The following RGS6 variants were observed in gnomAD, a reference collection of about 807,000 sequenced individuals.
RGS6 encodes regulator of G-protein signaling 6.
Under a neutral mutation model 78.5 loss-of-function variants are expected in RGS6, and 30 were observed. That is an observed-to-expected ratio of 0.38 (90% CI 0.29 to 0.52). The LOEUF is 0.52. RGS6 is among the 20% of genes least tolerant of loss of function. RGS6 has a pLI of 0.85. For missense variants in RGS6, 495 were observed against 609.7 expected (o/e 0.81, Z 1.98); for synonymous variants, 206 against 206.0 (o/e 1.00, Z 0.00).
intron 2 of RGS6, among the ~76,000 whole-genome samples, chr14:72,337,222 T>A (rs1031807626): frequency 1.3e-5 from 2 of 150,812 alleles, no homozygotes; most frequent in South Asian, 2.1e-4. Flanking sequence ...TGGAACTGAC[T>A]CCCACCCCCA....
intron 2 of RGS6, among the ~76,000 whole-genome samples, chr14:72,092,058 C>T (rs1366611408): frequency 6.6e-6 from 1 of 150,534 alleles, no homozygotes; most frequent in African/African-American, 2.4e-5. Flanking sequence ...GTCTCTCTCT[C>T]TCTGCTGCCC....
At chr14:72,600,173 C>G in the RGS6 span, among the ~76,000 whole-genome samples, 3 of 152,162 alleles carry the variant, frequency 2.0e-5, no homozygotes, top group African/African-American at 4.8e-5. Flanking sequence ...ACTCTCTCCC[C>G]CTCTGCCCAG....
intron 2 of RGS6, among the ~76,000 whole-genome samples, chr14:72,138,251 C>G (rs1485646821): frequency 6.6e-6 from 1 of 152,040 alleles, no homozygotes; most frequent in Non-Finnish European, 1.5e-5. Context: ...TATTGAAAAC[C>G]AGAATGCAAG....
chr14:72,280,010 A>G (rs2061319662), intron 2 of RGS6, among the ~76,000 whole-genome samples: 2 of 152,196 alleles, frequency 1.3e-5, no homozygotes, highest in Non-Finnish European at 1.5e-5. Context: ...TTCTACTACT[A>G]CAGGGTACTG....
chr14:72,311,523 T>C (rs542668609), intron 2 of RGS6, among the ~76,000 whole-genome samples: 83 of 152,324 alleles, frequency 5.4e-4, no homozygotes, highest in African/African-American at 1.9e-3. Context: ...AACATTATTG[T>C]AGCTTTTCCA....
intron 17 of RGS6, chr14:72,540,842 C>G (rs769607862): frequency 2.0e-6 from 2 of 985,220 alleles, no homozygotes; most frequent in African/African-American, 3.5e-5. Context: ...GTTCATGGTA[C>G]GCCCCAGCTA....
At chr14:72,593,970 G>T in the RGS6 span, among the ~76,000 whole-genome samples, 2 of 151,242 alleles carry the variant, frequency 1.3e-5, no homozygotes, top group East Asian at 1.9e-4. Context: ...GGGTGGGGGC[G>T]ATTTTCCTAA....
chr14:72,124,457 A>G (rs185697245), intron 2 of RGS6, among the ~76,000 whole-genome samples: 3 of 152,294 alleles, frequency 2.0e-5, no homozygotes, highest in Admixed American at 6.5e-5. Context: ...GAAAATCTAT[A>G]TTTAAATTAG....
At chr14:72,383,400 CAGG>C (rs1343941030) in intron 3 of RGS6, among the ~76,000 whole-genome samples, 1 of 151,704 alleles carries the variant, frequency 6.6e-6, no homozygotes, top group Admixed American at 6.6e-5. Flanking sequence ...TTTTAGTAGA[CAGG>C]AGACGATTGA....
rs576759972 is a variant in RGS6, at chr14:72,282,607, T to C, written c.85-69488T>C. The stretch of plus-strand genomic sequence containing the variant: ...GACAGAAAAAGTTTTAACAGCTTTT[T>C]TGAGGCATAATTGATATTAAAAAGG... On this transcript the variant is annotated intron_variant, in intron 2 of 17. Transcript: ENST00000553525. Among the ~76,000 whole-genome samples the C allele has an allele frequency of 3.9e-5, 6 of 152,328 alleles. No homozygotes were observed. In the East Asian group the frequency reaches 1.2e-3, roughly 29 times the overall value.
chr14:72,386,909 G>T (rs923878869), intron 3 of RGS6, among the ~76,000 whole-genome samples: 3 of 152,136 alleles, frequency 2.0e-5, no homozygotes, highest in African/African-American at 7.2e-5. Flanking sequence ...GGGTGCTGGG[G>T]GTAGCAGTGG....
chr14:72,499,195 A>G (rs74063439), intron 13 of RGS6, among the ~76,000 whole-genome samples: 6,670 of 152,272 alleles, frequency 0.044, 471 homozygotes, highest in African/African-American at 0.15. Context: ...GCGAAAGCCA[A>G]TGAGAGGTGG....
chr14:71,962,958 G>T (rs906920663), intron 1 of RGS6, among the ~76,000 whole-genome samples: 42 of 152,122 alleles, frequency 2.8e-4, no homozygotes, highest in African/African-American at 1.0e-3. Flanking sequence ...TTGATGAAAA[G>T]CCTCTGAATT....
At chr14:72,153,756 A>G (rs1013214061) in intron 2 of RGS6, among the ~76,000 whole-genome samples, 5 of 152,156 alleles carry the variant, frequency 3.3e-5, no homozygotes, top group African/African-American at 1.2e-4. Flanking sequence ...CACATGCTTC[A>G]AAGGGCAAAA....
chr14:72,437,277 G>T (rs1400232059), intron 3 of RGS6, among the ~76,000 whole-genome samples: 1 of 149,310 alleles, frequency 6.7e-6, no homozygotes, highest in Non-Finnish European at 1.5e-5. Context: ...GGAGGCGGGG[G>T]TTGCAGTGAG....
At chr14:72,560,832 G>GA (rs2097664851) in intron 17 of RGS6, among the ~76,000 whole-genome samples, 1 of 142,034 alleles carries the variant, frequency 7.0e-6, no homozygotes, top group African/African-American at 2.9e-5. Context: ...GTGTGTGTGT[G>GA]TGTGTGTTTA....
chr14:72,112,948 A>G (rs1196140103), intron 2 of RGS6, among the ~76,000 whole-genome samples: 1 of 152,348 alleles, frequency 6.6e-6, no homozygotes, highest in East Asian at 1.9e-4. Context: ...CCCTGAATCA[A>G]ATGCAGAAAA....
chr14:72,358,246 G>T (rs1348083296), intron 3 of RGS6, among the ~76,000 whole-genome samples: 1 of 152,232 alleles, frequency 6.6e-6, no homozygotes, highest in Admixed American at 6.5e-5. Context: ...CAGTGCAGAA[G>T]GGAAATGTGG....
chr14:72,603,336 T>C, the RGS6 span, among the ~76,000 whole-genome samples: 2 of 152,204 alleles, frequency 1.3e-5, no homozygotes, highest in Admixed American at 6.5e-5. Flanking sequence ...AGGGGCCCAG[T>C]CCATTCTTAG....
Sources: gnomAD v4.1 joint callset for allele counts (sites outside exome capture counted in the v4.1 genomes callset) on GRCh38, gnomAD v4.1.1 for gene constraint, MANE v1.5 for transcripts, NCBI Gene and HGNC (gene_info 2026-07-23, HGNC 2026-07-21) for gene names.